PLCL1: variants seen among roughly 807,000 people sequenced by gnomAD.
The protein encoded by PLCL1 is inactive phospholipase C-like protein 1.
Under a neutral mutation model 84.4 loss-of-function variants are expected in PLCL1, and 41 were observed. That is an observed-to-expected ratio of 0.49 (90% CI 0.38 to 0.63). PLCL1 has a LOEUF of 0.63. Among genes scored for constraint, PLCL1 ranks in the 30% least tolerant of loss-of-function variants. The pLI is 0.00. For synonymous variants in PLCL1, 490 were observed against 488.3 expected, an observed-to-expected ratio of 1.00 and a Z score of -0.05; for missense variants, 1,206 against 1,367.8, an observed-to-expected ratio of 0.88 and a Z score of 1.87.
At chr2:197,820,931 C>A (rs1434356648) in intron 1 of PLCL1, among the ~76,000 whole-genome samples, 1 of 152,162 alleles carries the variant, frequency 6.6e-6, no homozygotes, top group East Asian at 1.9e-4. Flanking sequence ...ATGTTTGAAG[C>A]CTTTCTGTAT....
chr2:197,989,853 A>T (rs2105811678), intron 1 of PLCL1, among the ~76,000 whole-genome samples: 1 of 152,252 alleles, frequency 6.6e-6, no homozygotes, highest in East Asian at 1.9e-4. Flanking sequence ...AGCAGAAATA[A>T]CCCCTCAGAC....
chr2:198,127,269 T>C (rs1200608639), intron 5 of PLCL1, among the ~76,000 whole-genome samples: 2 of 152,176 alleles, frequency 1.3e-5, no homozygotes, highest in East Asian at 3.9e-4. Context: ...CCCTACCAAG[T>C]AGAGGAAAGA....
intron 1 of PLCL1, among the ~76,000 whole-genome samples, chr2:198,029,299 G>A (rs1294061708): frequency 6.6e-6 from 1 of 152,120 alleles, no homozygotes; most frequent in African/African-American, 2.4e-5. Context: ...GTTTATGTTT[G>A]TTTTATCAAA....
chr2:197,815,355 G>A (rs969769862), intron 1 of PLCL1, among the ~76,000 whole-genome samples: 1 of 152,076 alleles, frequency 6.6e-6, no homozygotes, highest in Admixed American at 6.6e-5. Context: ...AATATTTTAA[G>A]CCCACTGTTG....
intron 1 of PLCL1, among the ~76,000 whole-genome samples, chr2:197,842,724 A>G (rs1687035586): frequency 6.6e-6 from 1 of 152,094 alleles, no homozygotes; most frequent in Non-Finnish European, 1.5e-5. Flanking sequence ...AACTCTATCA[A>G]CAAGGCTATT....
intron 1 of PLCL1, among the ~76,000 whole-genome samples, chr2:197,922,735 C>T (rs1451280401): frequency 5.7e-5 from 6 of 104,688 alleles, no homozygotes; most frequent in African/African-American, 2.0e-4. Context: ...CGGGCAGAGG[C>T]GCCCCTCACC....
At chr2:197,849,300 A>G (rs1211086101) in intron 1 of PLCL1, among the ~76,000 whole-genome samples, 1 of 152,160 alleles carries the variant, frequency 6.6e-6, no homozygotes, top group Non-Finnish European at 1.5e-5. Context: ...TAATCTCAGC[A>G]CTTTGGGAGG....
intron 1 of PLCL1, among the ~76,000 whole-genome samples, chr2:197,882,969 A>G (rs553661351): frequency 1.2e-4 from 19 of 152,334 alleles, no homozygotes; most frequent in Admixed American, 4.6e-4. Context: ...GCACTATTCC[A>G]TTTACATCAG....
At chr2:197,905,797 G>T (rs1388559437) in intron 1 of PLCL1, among the ~76,000 whole-genome samples, 1 of 152,128 alleles carries the variant, frequency 6.6e-6, no homozygotes, top group Non-Finnish European at 1.5e-5. Flanking sequence ...TTGTGGTTTT[G>T]ATTTGCATTT....
chr2:198,012,881 T>C (rs1690905716), intron 1 of PLCL1, among the ~76,000 whole-genome samples: 2 of 152,006 alleles, frequency 1.3e-5, no homozygotes. Flanking sequence ...TTATTTGTGG[T>C]TATCATTGCA....
chr2:197,958,899 C>G (rs151084381), intron 1 of PLCL1, among the ~76,000 whole-genome samples: 1 of 117,830 alleles, frequency 8.5e-6, no homozygotes, highest in Non-Finnish European at 1.8e-5. Context: ...GGAATCTGTG[C>G]TCTTGTGCAC....
At chr2:198,105,034 GT>G (rs1347071832) in intron 5 of PLCL1, among the ~76,000 whole-genome samples, 3 of 151,924 alleles carry the variant, frequency 2.0e-5, no homozygotes, top group Non-Finnish European at 4.4e-5. Flanking sequence ...AGATCCCACT[GT>G]CAATTTTTGT....
chr2:197,906,803 T>C (rs1355057703), intron 1 of PLCL1, among the ~76,000 whole-genome samples: 1 of 152,210 alleles, frequency 6.6e-6, no homozygotes, highest in Non-Finnish European at 1.5e-5. Flanking sequence ...TATTCCTGGG[T>C]ATTTTTATTC....
chr2:197,919,806 G>A (rs540542678), intron 1 of PLCL1, among the ~76,000 whole-genome samples: 1 of 152,316 alleles, frequency 6.6e-6, no homozygotes, highest in South Asian at 2.1e-4. Flanking sequence ...GAAGAGCAGA[G>A]CACTCTCCTG....
chr2:198,082,103 C>T (rs1692727987), intron 1 of PLCL1, among the ~76,000 whole-genome samples: 1 of 152,146 alleles, frequency 6.6e-6, no homozygotes, highest in African/African-American at 2.4e-5. Context: ...AGGCAATGCT[C>T]CTCTTCCTTT....
At chr2:197,975,065 C>T (rs1046985729) in intron 1 of PLCL1, among the ~76,000 whole-genome samples, 23 of 142,158 alleles carry the variant, frequency 1.6e-4, no homozygotes, top group African/African-American at 5.8e-4. Context: ...GGCGTGAACC[C>T]GGGAAGCGGA....
At chr2:197,979,177 C>T (rs775732559) in intron 1 of PLCL1, among the ~76,000 whole-genome samples, 11 of 152,242 alleles carry the variant, frequency 7.2e-5, no homozygotes, top group Non-Finnish European at 1.5e-4. Flanking sequence ...AGAGGACATC[C>T]GGCTTCTGAG....
Position 198,088,847 on chromosome 2 carries a change from C to A in PLCL1, c.2716-11C>A, listed in dbSNP as rs1692949053. On this transcript the variant is annotated splice_polypyrimidine_tract_variant and intron_variant, in intron 2 of 5. Coordinates refer to ENST00000428675, the MANE Select transcript of PLCL1 (RefSeq NM_006226.4). ...GGTCAGAAGTGTGATTCCATGTTTT[C>A]TTCCTCACAGAATGCAATCGTGTCT... The A allele has an allele frequency of 1.3e-6, 2 of 1,566,912 alleles. No homozygotes were observed.
intron 5 of PLCL1, among the ~76,000 whole-genome samples, chr2:198,109,661 G>A (rs981741065): frequency 6.6e-6 from 1 of 151,778 alleles, no homozygotes; most frequent in African/African-American, 2.4e-5. Flanking sequence ...CAATGAAGTG[G>A]AATTCATCTA....
Sources: allele counts gnomAD v4.1 joint callset (sites outside exome capture counted in the v4.1 genomes callset), GRCh38; gene constraint gnomAD v4.1.1; transcripts MANE v1.5; gene names NCBI Gene and HGNC (gene_info 2026-07-23, HGNC 2026-07-21).